PHACTR3: variants seen among roughly 807,000 people sequenced by gnomAD.
The protein encoded by PHACTR3 is protein phosphatase 1, regulatory subunit 123.
A neutral mutation model predicts 66.8 loss-of-function variants in PHACTR3; 16 were observed. That is an observed-to-expected ratio of 0.24 (90% CI 0.16 to 0.36). The LOEUF is 0.36. Among genes scored for constraint, PHACTR3 ranks in the 10% least tolerant of loss-of-function variants. The pLI, the probability that PHACTR3 is intolerant of heterozygous loss-of-function variation, is 1.00. For missense variants in PHACTR3, 647 were observed against 719.9 expected (o/e 0.90, Z 1.16); for synonymous variants, 323 against 292.1 (o/e 1.11, Z -1.08).
chr20:59,608,265 G>A (rs371008449), intron 1 of PHACTR3, among the ~76,000 whole-genome samples: 2 of 152,054 alleles, frequency 1.3e-5, no homozygotes, highest in African/African-American at 2.4e-5. Context: ...ACTGTGTGGC[G>A]GGGATGAAAT....
chr20:59,689,771 GC>G (rs1428692570), intron 1 of PHACTR3, among the ~76,000 whole-genome samples: 4 of 152,088 alleles, frequency 2.6e-5, no homozygotes, highest in Non-Finnish European at 5.9e-5. Flanking sequence ...GCATTCACCT[GC>G]CCTTTCCATT....
intron 4 of PHACTR3, among the ~76,000 whole-genome samples, chr20:59,758,189 G>A (rs1467268848): frequency 1.3e-5 from 2 of 152,140 alleles, no homozygotes; most frequent in African/African-American, 4.8e-5. Context: ...TGTGGGTCTT[G>A]TGCTCCTGGG....
In PHACTR3 at chr20:59,756,725, A is replaced by G. The variant is rs148916684; in HGVS notation, c.541+1361A>G. Among the ~76,000 whole-genome samples the G allele has an allele frequency of 7.4e-3, 1,129 of 152,058 alleles. 11 individuals are homozygous for G. The highest frequency in any genetic ancestry group is 0.032 in the South Asian group (152 of 4,812). ...TCTAGGGTACATGTGCACAACGTGC[A>G]GGTTTGTTACATATGTATACATGTG... is the stretch of plus-strand genomic sequence containing the variant. On this transcript the variant is annotated intron_variant, in intron 4 of 12. Transcript: ENST00000371015.
chr20:59,681,242 G>C (rs1411286787), intron 1 of PHACTR3, among the ~76,000 whole-genome samples: 1 of 152,164 alleles, frequency 6.6e-6, no homozygotes, highest in East Asian at 1.9e-4. Flanking sequence ...TCTGTGGGCT[G>C]GCTGTCTTGG....
At chr20:59,662,768 C>T (rs976535340) in intron 1 of PHACTR3, among the ~76,000 whole-genome samples, 1 of 152,034 alleles carries the variant, frequency 6.6e-6, no homozygotes, top group African/African-American at 2.4e-5. Context: ...GGGGGCCAGT[C>T]CTGGGCTGGA....
intron 3 of PHACTR3, among the ~76,000 whole-genome samples, chr20:59,752,208 G>A (rs969767437): frequency 1.4e-4 from 21 of 152,214 alleles, no homozygotes; most frequent in African/African-American, 4.1e-4. Flanking sequence ...ACACATGCAC[G>A]TGCACCTGTG....
chr20:59,840,565 G>A, intron 10 of PHACTR3, 135 bp downstream of exon 10: 1 of 1,342,026 alleles, frequency 7.5e-7, no homozygotes. Context: ...CATGGCATCA[G>A]TTAAATCAGG....
chr20:59,747,928 G>A, intron 3 of PHACTR3, 93 bp downstream of exon 3: 1 of 1,348,138 alleles, frequency 7.4e-7, no homozygotes, highest in Non-Finnish European at 1.0e-6. Flanking sequence ...ATCAGAAACA[G>A]TGTAGAATCC....
intron 8 of PHACTR3, among the ~76,000 whole-genome samples, chr20:59,816,269 G>A (rs1190288512): frequency 1.3e-5 from 2 of 152,154 alleles, no homozygotes; most frequent in Admixed American, 6.5e-5. Context: ...GTGGAGCTAA[G>A]GCAGTAATGC....
chr20:59,814,060 G>A (rs1430805684), intron 8 of PHACTR3, among the ~76,000 whole-genome samples: 1 of 152,226 alleles, frequency 6.6e-6, no homozygotes, highest in East Asian at 1.9e-4. Flanking sequence ...GCCCACCAAG[G>A]AGGCGCTGGC....
chr20:59,794,259 A>G (rs2041190702), intron 7 of PHACTR3, among the ~76,000 whole-genome samples: 1 of 152,296 alleles, frequency 6.6e-6, no homozygotes, highest in Non-Finnish European at 1.5e-5. Flanking sequence ...TTGAGTTACA[A>G]TTCTTCTAAA....
chr20:59,663,557 G>A (rs1049526376), intron 1 of PHACTR3, among the ~76,000 whole-genome samples: 14 of 152,200 alleles, frequency 9.2e-5, no homozygotes, highest in South Asian at 2.1e-4. Context: ...CCGTTCTTGT[G>A]AAGCTGACAT....
intron 1 of PHACTR3, among the ~76,000 whole-genome samples, chr20:59,734,677 G>C (rs997293413): frequency 6.6e-6 from 1 of 152,072 alleles, no homozygotes; most frequent in East Asian, 1.9e-4. Flanking sequence ...TAGCATATCT[G>C]TGTGGATCCC....
At position 59,767,232 on chromosome 20, in the gene PHACTR3, C is replaced by A; in HGVS notation, c.588C>A (p.Ser196Arg). 1 of 1,614,262 alleles carries A rather than the reference C, an allele frequency of 6.2e-7. No individual in the cohort carries two copies. Among genetic ancestry groups the A allele is most frequent in the Non-Finnish European group, 8.5e-7 (1 of 1,180,044 alleles). ...ASSGEEADAGSLLPTTNELSQ... is the reference protein window; with the variant it reads ...ASSGEEADAGRLLPTTNELSQ... Reference sequence around the variant, plus strand: ...GTGGTGAAGAAGCAGACGCTGGCAGCCTCCTGCCCACCACCAATGAGCTCT... The same window carrying A: ...GTGGTGAAGAAGCAGACGCTGGCAGACTCCTGCCCACCACCAATGAGCTCT... Residue 196 changes from serine (S) to arginine (R), a missense_variant, in exon 5 of 13, where the codon AGC (serine) becomes AGA (arginine). By Grantham distance (110) the Ser-to-Arg change is moderately radical. Coordinates refer to ENST00000371015, the MANE Select transcript of PHACTR3 (RefSeq NM_080672.5).
chr20:59,841,288 T>G (rs2059056234), intron 10 of PHACTR3, 107 bp from the exon 11 acceptor site: 3 of 1,170,400 alleles, frequency 2.6e-6, no homozygotes, highest in South Asian at 3.4e-5. Context: ...CAGTTTCAGG[T>G]TTTTTTTGTT....
chr20:59,841,085 T>C (rs2059051197), intron 10 of PHACTR3, among the ~76,000 whole-genome samples: 1 of 152,184 alleles, frequency 6.6e-6, no homozygotes, highest in East Asian at 1.9e-4. Context: ...CTTATCTAAT[T>C]GTATCTGAAG....
chr20:59,760,726 A>G (rs1473591335), intron 4 of PHACTR3, among the ~76,000 whole-genome samples: 1 of 152,180 alleles, frequency 6.6e-6, no homozygotes. Flanking sequence ...CACACCAGCA[A>G]CAGAGCATTC....
At chr20:59,602,422 A>T (rs2033504885), upstream of PHACTR3, among the ~76,000 whole-genome samples, 1 of 150,268 alleles carries the variant, frequency 6.7e-6, no homozygotes, top group Admixed American at 6.7e-5. Context: ...AGCCTGGAAA[A>T]CAGAGCAAAA....
At chr20:59,593,626 T>C (rs1349625540) in intron 1 of PHACTR3, among the ~76,000 whole-genome samples, 1 of 152,194 alleles carries the variant, frequency 6.6e-6, no homozygotes, top group East Asian at 1.9e-4. Context: ...AGTTTTACAG[T>C]TTTATATTTT....
Sources: gnomAD v4.1 joint callset for allele counts (sites outside exome capture counted in the v4.1 genomes callset) on GRCh38, gnomAD v4.1.1 for gene constraint, MANE v1.5 for transcripts, NCBI Gene and HGNC (gene_info 2026-07-23, HGNC 2026-07-21) for gene names.